Variants in ARB2A observed in about 807,000 individuals in gnomAD.
ARB2A encodes ARB2 cotranscriptional regulator A.
the ARB2A span, among the ~76,000 whole-genome samples, chr5:93,665,940 C>T: frequency 6.6e-6 from 1 of 152,144 alleles, no homozygotes; most frequent in African/African-American, 2.4e-5. Flanking sequence ...AGAAAGGCAG[C>T]CAGGTCTAAG....
chr5:93,999,035 C>T, the ARB2A span, among the ~76,000 whole-genome samples: 2 of 152,050 alleles, frequency 1.3e-5, no homozygotes, highest in Non-Finnish European at 2.9e-5. Flanking sequence ...ATTTCTCTCC[C>T]CTAAAGTTAA....
the ARB2A span, among the ~76,000 whole-genome samples, chr5:93,953,171 G>C: frequency 1.3e-5 from 2 of 152,136 alleles, no homozygotes; most frequent in African/African-American, 4.8e-5. Flanking sequence ...TAGTTCACCT[G>C]GTGAGGTCAT....
the ARB2A span, among the ~76,000 whole-genome samples, chr5:94,106,649 C>A: frequency 6.6e-6 from 1 of 151,948 alleles, no homozygotes; most frequent in African/African-American, 2.4e-5. Context: ...GAATATAAAT[C>A]ATTCTAATAA....
At chr5:93,761,262 C>T in the ARB2A span, among the ~76,000 whole-genome samples, 1 of 152,222 alleles carries the variant, frequency 6.6e-6, no homozygotes, top group African/African-American at 2.4e-5. Context: ...GTGAGGTATC[C>T]CCTCACCCGG....
chr5:93,796,046 T>G, the ARB2A span, among the ~76,000 whole-genome samples: 1 of 152,314 alleles, frequency 6.6e-6, no homozygotes, highest in Admixed American at 6.5e-5. Flanking sequence ...CTACTTAGCA[T>G]CTGGCGTAAT....
the ARB2A span, among the ~76,000 whole-genome samples, chr5:93,916,481 T>C: frequency 1.3e-5 from 2 of 152,162 alleles, no homozygotes; most frequent in Admixed American, 6.6e-5. Flanking sequence ...ACAATTTAAA[T>C]AGTATTTTCA....
the ARB2A span, chr5:93,619,630 T>C: frequency 6.6e-6 from 1 of 152,228 alleles, no homozygotes; most frequent in Non-Finnish European, 1.5e-5. Context: ...TTCTCATCTA[T>C]TAGAAACAAT....
chr5:93,890,714 C>A, the ARB2A span, among the ~76,000 whole-genome samples: 1 of 151,952 alleles, frequency 6.6e-6, no homozygotes, highest in African/African-American at 2.4e-5. Context: ...AATTTCAACC[C>A]TTCCAGCCCT....
At chr5:93,896,031 T>A in the ARB2A span, among the ~76,000 whole-genome samples, 1 of 152,012 alleles carries the variant, frequency 6.6e-6, no homozygotes, top group Non-Finnish European at 1.5e-5. Context: ...TTTCTCAATA[T>A]TTTCATAAAG....
chr5:93,903,767 T>C, the ARB2A span, among the ~76,000 whole-genome samples: 2 of 151,336 alleles, frequency 1.3e-5, no homozygotes, highest in Non-Finnish European at 3.0e-5. Context: ...ACATAGCAGA[T>C]AGTCCTAGCC....
At chr5:93,887,141 G>C in the ARB2A span, among the ~76,000 whole-genome samples, 2 of 151,554 alleles carry the variant, frequency 1.3e-5, no homozygotes, top group Non-Finnish European at 3.0e-5. Flanking sequence ...GGTAGAGTCA[G>C]AAGGTCATGC....
At chr5:93,895,975 G>T in the ARB2A span, among the ~76,000 whole-genome samples, 1 of 151,706 alleles carries the variant, frequency 6.6e-6, no homozygotes, top group Non-Finnish European at 1.5e-5. Context: ...CTTATAAGTG[G>T]TTACAAAATA....
chr5:94,004,969 A>AACACT, the ARB2A span, among the ~76,000 whole-genome samples: 25 of 145,324 alleles, frequency 1.7e-4, no homozygotes, highest in Non-Finnish European at 1.4e-4. Context: ...CCAGCACCTC[A>AACACT]ACACTACACT....
At chr5:93,931,632 TTAAG>T in the ARB2A span, among the ~76,000 whole-genome samples, 1 of 152,154 alleles carries the variant, frequency 6.6e-6, no homozygotes, top group Non-Finnish European at 1.5e-5. Context: ...TAATTTTTAT[TTAAG>T]TATTACACAC....
the ARB2A span, among the ~76,000 whole-genome samples, chr5:93,761,217 G>A: frequency 6.6e-6 from 1 of 152,164 alleles, no homozygotes; most frequent in East Asian, 1.9e-4. Context: ...GTGCAGGACA[G>A]TGGGTGCAGC....
the ARB2A span, among the ~76,000 whole-genome samples, chr5:94,069,198 C>T: frequency 6.6e-6 from 1 of 152,142 alleles, no homozygotes; most frequent in Middle Eastern, 3.4e-3. Flanking sequence ...GAAAGAACAC[C>T]CTCTTAAGTA....
chr5:93,743,379 T>C, the ARB2A span: 1 of 187,496 alleles, frequency 5.3e-6, no homozygotes, highest in Non-Finnish European at 1.0e-5. Context: ...TTATTTAATG[T>C]TAAATAAGTG....
At chr5:93,870,184 T>A in the ARB2A span, among the ~76,000 whole-genome samples, 1 of 152,206 alleles carries the variant, frequency 6.6e-6, no homozygotes, top group Non-Finnish European at 1.5e-5. Flanking sequence ...GCTGGGTCAC[T>A]ATGGACTGAC....
At chr5:93,817,785 A>T in the ARB2A span, among the ~76,000 whole-genome samples, 2 of 152,276 alleles carry the variant, frequency 1.3e-5, no homozygotes, top group African/African-American at 4.8e-5. Context: ...ATTAAATTGG[A>T]CCCTTACCTC....
Sources: gnomAD v4.1 joint callset for allele counts (sites outside exome capture counted in the v4.1 genomes callset) on GRCh38, gnomAD v4.1.1 for gene constraint, MANE v1.5 for transcripts, NCBI Gene and HGNC (gene_info 2026-07-23, HGNC 2026-07-21) for gene names.